Variants in EIF3H observed in about 807,000 individuals in gnomAD.
EIF3H encodes the protein eIF-3-gamma.
A neutral mutation model predicts 44.2 loss-of-function variants in EIF3H; 26 were observed. The ratio of observed to expected loss-of-function variants is 0.59; its 90% CI spans 0.43 to 0.82. The LOEUF (loss-of-function observed/expected upper bound fraction) is 0.82. Ranked by LOEUF, EIF3H falls within the 40% of genes least tolerant of loss-of-function variation. The pLI is 0.00. For synonymous variants in EIF3H, 166 were observed against 151.9 expected, an observed-to-expected ratio of 1.09 and a Z score of -0.68; for missense variants, 359 against 432.8, an observed-to-expected ratio of 0.83 and a Z score of 1.51.
chr8:116,702,459 G>A (rs570333089), intron 2 of EIF3H, among the ~76,000 whole-genome samples: 8 of 152,170 alleles, frequency 5.3e-5, no homozygotes, highest in Non-Finnish European at 1.2e-4. Flanking sequence ...CTTGTGATAA[G>A]TTTGTCCTAT....
chr8:116,661,948 A>G (rs1472716163), intron 2 of EIF3H, among the ~76,000 whole-genome samples: 1 of 152,216 alleles, frequency 6.6e-6, no homozygotes, highest in Non-Finnish European at 1.5e-5. Flanking sequence ...TGAGGAGTAA[A>G]GAGAGATCAG....
chr8:116,648,888 C>T lies in EIF3H; in HGVS notation c.746G>A (p.Arg249Lys), dbSNP rs779686842. The change falls in exon 6 of 8, where the codon AGA (arginine) becomes AAA (lysine). Residue 249 changes from arginine (R) to lysine (K), a missense_variant. Around this residue, in one of 5 missense-constraint regions of EIF3H, gnomAD observed 30 missense variants for 59.5 expected, o/e 0.50. Coordinates refer to ENST00000521861, the MANE Select transcript of EIF3H (RefSeq NM_003756.3). ...LGKNLQLLMDRVDEMSQDIVK... is the reference protein window; with the variant it reads ...LGKNLQLLMDKVDEMSQDIVK... ...TATATCTTGGCTCATTTCATCCACTCTGTCCATCAGCAACTGTAGATTCTT... is the reference window on the plus strand; with the variant it reads ...TATATCTTGGCTCATTTCATCCACTTTGTCCATCAGCAACTGTAGATTCTT... 3.1e-6 allele frequency: 5 copies of T among 1,612,104 alleles called. No individual in the cohort carries two copies. The highest frequency in any genetic ancestry group is 3.4e-6 in the Non-Finnish European group (4 of 1,179,216).
At chr8:116,748,248 A>G (rs775983950) in intron 1 of EIF3H, among the ~76,000 whole-genome samples, 3 of 152,202 alleles carry the variant, frequency 2.0e-5, no homozygotes, top group South Asian at 2.1e-4. Context: ...ACCATCAGGT[A>G]GGTAAGGTAG....
rs779686842 is a variant in EIF3H at position 116,648,888 on chromosome 8, C to G, written c.746G>C (p.Arg249Thr). 5.0e-6 allele frequency: 8 copies of G among 1,612,104 alleles called. No individual in the cohort carries two copies. The South Asian group carries it at 7.7e-5, about 16-fold the overall frequency. The change falls in exon 6 of 8, where the codon AGA (arginine) becomes ACA (threonine). Residue 249 changes from arginine (R) to threonine (T), a missense_variant. Physicochemically the swap from Arg to Thr is moderately conservative, Grantham distance 71. Coordinates refer to ENST00000521861, the MANE Select transcript of EIF3H (RefSeq NM_003756.3). ...LGKNLQLLMD[R>T]VDEMSQDIVK... Reference sequence around the variant, plus strand: ...TATATCTTGGCTCATTTCATCCACTCTGTCCATCAGCAACTGTAGATTCTT... The same window carrying G: ...TATATCTTGGCTCATTTCATCCACTGTGTCCATCAGCAACTGTAGATTCTT...
chr8:116,695,091 C>CA (rs1341086191), intron 2 of EIF3H, among the ~76,000 whole-genome samples: 1 of 127,754 alleles, frequency 7.8e-6, no homozygotes, highest in Non-Finnish European at 1.6e-5. Flanking sequence ...TTTTTTGAGA[C>CA]AGAGTCTCAC....
chr8:116,677,336 T>C (rs1028501287), intron 2 of EIF3H, among the ~76,000 whole-genome samples: 4 of 152,210 alleles, frequency 2.6e-5, no homozygotes, highest in African/African-American at 9.6e-5. Flanking sequence ...AACTAAAACA[T>C]GTAATTTTCA....
intron 2 of EIF3H, among the ~76,000 whole-genome samples, chr8:116,692,341 C>G (rs1361060736): frequency 6.6e-6 from 1 of 152,066 alleles, no homozygotes; most frequent in African/African-American, 2.4e-5. Flanking sequence ...ATAGAAAATT[C>G]TCAGCACATT....
upstream of EIF3H, among the ~76,000 whole-genome samples, chr8:116,760,199 T>TA (rs1298092266): frequency 6.6e-6 from 1 of 152,358 alleles, no homozygotes; most frequent in African/African-American, 2.4e-5. Context: ...AAAGACTGGC[T>TA]ACCACTATAA....
At chr8:116,740,477 C>A (rs1460532538) in intron 1 of EIF3H, among the ~76,000 whole-genome samples, 2 of 152,092 alleles carry the variant, frequency 1.3e-5, no homozygotes, top group African/African-American at 4.8e-5. Flanking sequence ...TTCTGAACAT[C>A]GTATTTTTAA....
chr8:116,752,315 T>C (rs1350726450), intron 1 of EIF3H, among the ~76,000 whole-genome samples: 1 of 152,206 alleles, frequency 6.6e-6, no homozygotes, highest in Non-Finnish European at 1.5e-5. Flanking sequence ...GTGCTCTTTC[T>C]ACAATTCCAA....
Position 116,645,044 on chromosome 8 carries a change from G to C in EIF3H, c.1021C>G (p.Leu341Val), listed in dbSNP as rs779726796. 6.2e-7 allele frequency: 1 copy of C among 1,614,158 alleles called. No homozygotes were observed. Among genetic ancestry groups the C allele is most frequent in the Non-Finnish European group, 8.5e-7 (1 of 1,180,002 alleles). ...TCTTGAAGAGCCTGGGCCATGAAGA[G>C]CTTGCCTAAGTTTTGGGCAGTGAAC... The part of the protein sequence containing the change: ...KEFTAQNLGK[L>V]FMAQALQEYN... The change falls in exon 8 of 8, where the codon CTC (leucine) becomes GTC (valine). Residue 341 changes from leucine (L) to valine (V), a missense_variant. Leu to Val is a conservative substitution (Grantham distance 32). This residue lies in a region of EIF3H where 94 missense variants were observed against 96.0 expected (regional missense o/e 0.98). Transcript: ENST00000521861.
In EIF3H at chr8:116,642,779, C is replaced by A. The variant is rs1813240627; in HGVS notation, c.*2227G>T. On this transcript the variant is annotated 3_prime_UTR_variant, in exon 8 of 8. Transcript: ENST00000521861. ...TACAGCACTCAAATCAAATGCCGAA[C>A]AGAAGCTATTCCCTAACACTACATA... 6.6e-6 allele frequency: 1 copy of A among 152,192 alleles called. No individual in the cohort carries two copies. Among genetic ancestry groups the A allele is most frequent in the Admixed American group, 6.5e-5 (1 of 15,274 alleles). The allele number at this position is 152,192 out of a possible 1,614,324, so 9.4% of individuals were successfully genotyped here.
chr8:116,690,036 T>C (rs1252590046), intron 2 of EIF3H, among the ~76,000 whole-genome samples: 1 of 152,200 alleles, frequency 6.6e-6, no homozygotes, highest in East Asian at 1.9e-4. Context: ...TAAAATAATT[T>C]CCACATTTAG....
Position 116,726,698 on chromosome 8 carries a change from C to A in EIF3H, c.133-526G>T, listed in dbSNP as rs1814847174. Among the ~76,000 whole-genome samples the A allele has an allele frequency of 2.6e-5, 4 of 152,168 alleles. No individual in the cohort carries two copies. The South Asian group carries it at 8.3e-4, about 32-fold the overall frequency. The stretch of plus-strand genomic sequence containing the variant: ...GGAACACGTACCCACACATATCCAA[C>A]AACAATCTGGTTGGTATAGTCTCCA... On this transcript the variant is annotated intron_variant, in intron 1 of 7. Coordinates refer to ENST00000521861, the MANE Select transcript of EIF3H (RefSeq NM_003756.3).
intron 1 of EIF3H, among the ~76,000 whole-genome samples, chr8:116,742,347 G>GT (rs1358318365): frequency 6.6e-6 from 1 of 152,158 alleles, no homozygotes; most frequent in Non-Finnish European, 1.5e-5. Context: ...TTAGTCACAT[G>GT]TAAGTATAAT....
At chr8:116,755,611 CG>C in intron 1 of EIF3H, 54 bp downstream of exon 1, 3 of 1,606,978 alleles carry the variant, frequency 1.9e-6, no homozygotes, top group Non-Finnish European at 2.6e-6. Context: ...TCTGGTGGGA[CG>C]GGGCTGGGAA....
chr8:116,755,592 G>A (rs1427037968), intron 1 of EIF3H, 74 bp downstream of exon 1: 1 of 1,595,500 alleles, frequency 6.3e-7, no homozygotes, highest in African/African-American at 1.3e-5. Flanking sequence ...GAGAATGCTA[G>A]AAAGTACGTC....
upstream of EIF3H, among the ~76,000 whole-genome samples, chr8:116,756,714 G>A (rs569479973): frequency 1.3e-5 from 2 of 152,232 alleles, no homozygotes. Context: ...TTCAATCTGG[G>A]AGGAGAAATA....
intron 4 of EIF3H, among the ~76,000 whole-genome samples, chr8:116,656,574 G>A (rs1369872569): frequency 6.6e-6 from 1 of 152,036 alleles, no homozygotes; most frequent in Non-Finnish European, 1.5e-5. Flanking sequence ...TAACTTTTTA[G>A]GAGCCAAATG....
Sources: gnomAD v4.1 joint callset for allele counts (sites outside exome capture counted in the v4.1 genomes callset) on GRCh38, gnomAD v4.1.1 for gene constraint, gnomAD v4.1.1 regional missense constraint, MANE v1.5 for transcripts, NCBI Gene and HGNC (gene_info 2026-07-23, HGNC 2026-07-21) for gene names.